Variants in ZNF674 observed in about 807,000 individuals in gnomAD.
The protein encoded by ZNF674 is zinc finger protein 674.
A neutral mutation model predicts 7.0 loss-of-function variants in ZNF674; 2 were observed. The ratio of observed to expected loss-of-function variants is 0.29; its 90% CI spans 0.12 to 0.90. The LOEUF is 0.90. ZNF674 is among the 40% of genes least tolerant of loss of function. ZNF674 has a pLI of 0.57. For synonymous variants in ZNF674, 103 were observed against 145.2 expected (o/e 0.71, Z 2.09); for missense variants, 297 against 415.5 (o/e 0.71, Z 2.48).
intron 4 of ZNF674, 84 bp from the exon 5 acceptor site, chrX:46,528,529 G>C: frequency 1.9e-6 from 2 of 1,062,387 alleles, no homozygotes; most frequent in Non-Finnish European, 2.6e-6. Flanking sequence ...GCTGAAGGTG[G>C]CACGGCCTCG....
intron 3 of ZNF674, among the ~76,000 whole-genome samples, chrX:46,535,549 T>C (rs751353535): frequency 2.7e-5 from 3 of 111,825 alleles, no homozygotes; most frequent in Non-Finnish European, 3.8e-5. Flanking sequence ...AACAAATCAT[T>C]ATGAAAAAGA....
chrX:46,512,304 G>A (rs1261440228), intron 5 of ZNF674, among the ~76,000 whole-genome samples: 1 of 103,382 alleles, frequency 9.7e-6, no homozygotes. Context: ...GGCAGTTGCG[G>A]TGAGCCGAGA....
intron 5 of ZNF674, among the ~76,000 whole-genome samples, chrX:46,510,498 G>C (rs1442237358): frequency 8.9e-6 from 1 of 111,769 alleles, no homozygotes; most frequent in Non-Finnish European, 1.9e-5. Flanking sequence ...TTTTTAAAAA[G>C]TCTTATTAGG....
At chrX:46,503,565 T>A (rs914327958) in intron 5 of ZNF674, among the ~76,000 whole-genome samples, 2 of 111,993 alleles carry the variant, frequency 1.8e-5, no homozygotes, top group African/African-American at 6.5e-5. Flanking sequence ...AATTGCATTT[T>A]AAAAAAATCA....
chrX:46,500,092 G>A lies in ZNF674; in HGVS notation c.1482C>T (p.Cys494=). ...TACTGAAGGCTTTTTTACAGTCAGTGCATTCATAGGGTCTCTCTCCTGTAT... is the reference window on the plus strand; with the variant it reads ...TACTGAAGGCTTTTTTACAGTCAGTACATTCATAGGGTCTCTCTCCTGTAT... ...RIHTGERPYE[C]TDCKKAFSRK... The change falls in exon 6 of 6, where the codon TGC becomes TGT. Residue 494 remains cysteine, a synonymous_variant. Coordinates refer to ENST00000683375, the MANE Select transcript of ZNF674 (RefSeq NM_001190417.2). 2 of 1,211,449 alleles carry A rather than the reference G, an allele frequency of 1.7e-6. No homozygotes were observed. The highest frequency in any genetic ancestry group is 2.2e-6 in the Non-Finnish European group (2 of 895,338).
chrX:46,510,219 G>A (rs1423446740), intron 5 of ZNF674, among the ~76,000 whole-genome samples: 1 of 108,028 alleles, frequency 9.3e-6, no homozygotes, highest in Admixed American at 1.0e-4. Context: ...CAGCACACCA[G>A]CATGGCACAT....
At chrX:46,538,153 A>C (rs1422037783) in intron 3 of ZNF674, among the ~76,000 whole-genome samples, 1 of 111,551 alleles carries the variant, frequency 9.0e-6, no homozygotes, top group East Asian at 2.8e-4. Flanking sequence ...ATTTTTACCC[A>C]ATTTTTCAAA....
chrX:46,521,140 G>C (rs1033126250), intron 5 of ZNF674, among the ~76,000 whole-genome samples: 5 of 106,327 alleles, frequency 4.7e-5, no homozygotes, highest in African/African-American at 1.7e-4. Flanking sequence ...AGGAGGTGGA[G>C]GTTGCAGTGA....
chrX:46,508,764 T>A (rs1410887786), intron 5 of ZNF674, among the ~76,000 whole-genome samples: 1 of 110,004 alleles, frequency 9.1e-6, no homozygotes, highest in Non-Finnish European at 1.9e-5. Flanking sequence ...GGTTCTCTGT[T>A]TGTCTGTTAT....
At chrX:46,532,540 CTAAA>C (rs1445846400) in intron 3 of ZNF674, among the ~76,000 whole-genome samples, 1 of 111,778 alleles carries the variant, frequency 8.9e-6, no homozygotes, top group African/African-American at 3.2e-5. Context: ...AATTATTGGA[CTAAA>C]TAAACCACGC....
chrX:46,528,741 T>G, intron 4 of ZNF674, 42 bp downstream of exon 4: 1 of 1,209,879 alleles, frequency 8.3e-7, no homozygotes, highest in Non-Finnish European at 1.1e-6. Flanking sequence ...AGAAACACAG[T>G]ACTGGAGGCA....
intron 5 of ZNF674, among the ~76,000 whole-genome samples, chrX:46,514,949 A>G (rs1377501059): frequency 8.9e-6 from 1 of 112,461 alleles, no homozygotes; most frequent in African/African-American, 3.2e-5. Flanking sequence ...ACTATATGTG[A>G]TTAGACTTAC....
chrX:46,535,674 T>C (rs1043687290), intron 3 of ZNF674, among the ~76,000 whole-genome samples: 2 of 112,169 alleles, frequency 1.8e-5, no homozygotes, highest in African/African-American at 6.5e-5. Flanking sequence ...GTCAAGTATG[T>C]AGAAAAAACA....
At chrX:46,510,134 T>A (rs1375550497) in intron 5 of ZNF674, among the ~76,000 whole-genome samples, 1 of 66,405 alleles carries the variant, frequency 1.5e-5, no homozygotes. Context: ...CTCTGGGGAC[T>A]GTTGTGGGGT....
chrX:46,527,810 A>C (rs1602077028), intron 5 of ZNF674: 1 of 122,925 alleles, frequency 8.1e-6, no homozygotes, highest in African/African-American at 3.3e-5. Flanking sequence ...GGTGGGTACC[A>C]GGCTGGGTAG....
chrX:46,510,043 A>G (rs113918722), intron 5 of ZNF674, among the ~76,000 whole-genome samples: 1,537 of 106,590 alleles, frequency 0.014, 29 homozygotes, highest in African/African-American at 0.05. Context: ...ACAAGAACAA[A>G]AAACCAAACA....
chrX:46,500,548 T>A lies in ZNF674; in HGVS notation c.1026A>T (p.Ile342=), dbSNP rs777476294. 1 of 1,211,461 alleles carries A rather than the reference T, an allele frequency of 8.3e-7. No individual in the cohort carries two copies. Among genetic ancestry groups the A allele is most frequent in the Admixed American group, 2.2e-5 (1 of 46,092 alleles). ...KGIKCTTSSL[I]YQRIHTSEKP... ...TCTCACTTGTGTGAATTCTTTGATA[T>A]ATAAGGCTGGACGTAGTACATTTAA... Residue 342 remains isoleucine (I), a synonymous_variant, in exon 6 of 6, where the codon ATA becomes ATT. Transcript: ENST00000683375.
chrX:46,541,312 T>G (rs1963142), intron 3 of ZNF674, among the ~76,000 whole-genome samples: 27,092 of 98,654 alleles, frequency 0.27, 3,092 homozygotes, highest in Middle Eastern at 0.39. Context: ...AGTGAGCCGA[T>G]ATCGCACCAT....
chrX:46,520,995 T>C (rs1376954019), intron 5 of ZNF674, among the ~76,000 whole-genome samples: 1 of 110,764 alleles, frequency 9.0e-6, no homozygotes, highest in Non-Finnish European at 1.9e-5. Flanking sequence ...GAGACCAGCC[T>C]GGGAAACATG....
Sources: gnomAD v4.1 joint callset for allele counts (sites outside exome capture counted in the v4.1 genomes callset) on GRCh38, gnomAD v4.1.1 for gene constraint, MANE v1.5 for transcripts, NCBI Gene and HGNC (gene_info 2026-07-23, HGNC 2026-07-21) for gene names.